The following THSD4 variants were observed in gnomAD, a reference collection of about 807,000 sequenced individuals.
THSD4 encodes thrombospondin type 1 domain containing 4.
A neutral mutation model predicts 119.0 loss-of-function variants in THSD4; 69 were observed. The ratio of observed to expected loss-of-function variants is 0.58; its 90% confidence interval spans 0.48 to 0.71. THSD4 has a LOEUF of 0.71. Among genes scored for constraint, THSD4 ranks in the 30% least tolerant of loss-of-function variants. The pLI is 0.00. For missense variants in THSD4, 1,393 were observed against 1,391.1 expected (o/e 1.00, Z -0.02); for synonymous variants, 524 against 540.4 (o/e 0.97, Z 0.42).
chr15:71,210,387 A>G (rs777210831), intron 3 of THSD4, among the ~76,000 whole-genome samples: 16 of 152,156 alleles, frequency 1.1e-4, no homozygotes, highest in Non-Finnish European at 2.1e-4. Context: ...TGTCACTGTT[A>G]AACACCTGCT....
intron 1 of THSD4, among the ~76,000 whole-genome samples, chr15:71,130,425 A>C (rs2040492816): frequency 6.6e-6 from 1 of 152,046 alleles, no homozygotes; most frequent in African/African-American, 2.4e-5. Context: ...GAGCTCAAGT[A>C]ATTCTCAACC....
chr15:71,592,016 C>T (rs12916436), intron 7 of THSD4, among the ~76,000 whole-genome samples: 26,373 of 152,044 alleles, frequency 0.17, 2,567 homozygotes, highest in Non-Finnish European at 0.22. Flanking sequence ...ATTTTAAAGA[C>T]GAGGAAAAGA....
At chr15:71,482,916 C>T (rs960925341) in intron 7 of THSD4, among the ~76,000 whole-genome samples, 1 of 152,076 alleles carries the variant, frequency 6.6e-6, no homozygotes, top group Non-Finnish European at 1.5e-5. Flanking sequence ...GGAAAGCAAA[C>T]CTTTCTCATA....
At chr15:71,204,597 C>T (rs1252027378) in intron 3 of THSD4, among the ~76,000 whole-genome samples, 1 of 152,124 alleles carries the variant, frequency 6.6e-6, no homozygotes, top group African/African-American at 2.4e-5. Context: ...AACTGAGGTC[C>T]CGAGCCACAG....
chr15:71,461,653 C>T (rs992880498), intron 7 of THSD4, among the ~76,000 whole-genome samples: 5 of 152,130 alleles, frequency 3.3e-5, no homozygotes, highest in Non-Finnish European at 7.4e-5. Context: ...AGCATTATTC[C>T]TTTCCAAACG....
At chr15:71,324,771 ACATGTG>A (rs2045318551) in intron 6 of THSD4, among the ~76,000 whole-genome samples, 1 of 152,182 alleles carries the variant, frequency 6.6e-6, no homozygotes, top group Non-Finnish European at 1.5e-5. Context: ...AATAAAACAT[ACATGTG>A]CAGGTGTCTT....
chr15:71,158,126 C>T (rs568925682), intron 3 of THSD4, among the ~76,000 whole-genome samples: 5 of 150,488 alleles, frequency 3.3e-5, no homozygotes, highest in African/African-American at 1.2e-4. Context: ...TCATTTTCTT[C>T]CACATCCTTA....
chr15:71,341,779 C>T lies in THSD4; in HGVS notation c.1016-69908C>T. Reference sequence around the variant, plus strand: ...CCCTTTTCTTCCTTTTTTCTCCTACCTCCCTCACAACCCTCTTTTCTTCCT... The same window carrying T: ...CCCTTTTCTTCCTTTTTTCTCCTACTTCCCTCACAACCCTCTTTTCTTCCT... On this transcript the variant is annotated intron_variant, in intron 6 of 17. Transcript: ENST00000261862. 1.1e-5 allele frequency: 9 copies of T among 793,482 alleles called. No individual in the cohort carries two copies. In the South Asian group the frequency reaches 1.2e-4, roughly 11 times the overall value. 49.2% of individuals were successfully genotyped at this position (793,482 alleles called of 1,614,324 possible). A position where few individuals can be genotyped will look rare whatever the true frequency, so the allele number is the denominator to read the frequency against.
At chr15:71,182,224 C>T (rs143211889) in intron 3 of THSD4, among the ~76,000 whole-genome samples, 2 of 151,852 alleles carry the variant, frequency 1.3e-5, no homozygotes, top group Non-Finnish European at 2.9e-5. Flanking sequence ...CTAGAGTTTG[C>T]CTGCTTCACA....
chr15:71,498,211 A>C (rs566400873), intron 7 of THSD4, among the ~76,000 whole-genome samples: 39 of 152,348 alleles, frequency 2.6e-4, no homozygotes, highest in African/African-American at 9.1e-4. Flanking sequence ...CCATGGGAAT[A>C]ATCCATATAG....
chr15:71,395,975 A>G (rs527675150), intron 6 of THSD4, among the ~76,000 whole-genome samples: 10 of 149,138 alleles, frequency 6.7e-5, no homozygotes, highest in African/African-American at 2.5e-4. Context: ...TGTTGAGCAC[A>G]TGGCCTGTTG....
chr15:71,572,395 A>G (rs938215423), intron 7 of THSD4, among the ~76,000 whole-genome samples: 9 of 152,138 alleles, frequency 5.9e-5, no homozygotes, highest in African/African-American at 2.2e-4. Context: ...TTTTACTTCA[A>G]ACTCACCTGT....
At chr15:71,773,216 GA>G (rs1415243841) in intron 17 of THSD4, among the ~76,000 whole-genome samples, 8 of 62,360 alleles carry the variant, frequency 1.3e-4, no homozygotes, top group Admixed American at 5.8e-4. Flanking sequence ...AAAAAAAAAA[GA>G]AAAAGAAAAA....
At chr15:71,220,902 C>T (rs531873124) in intron 4 of THSD4, among the ~76,000 whole-genome samples, 3 of 152,220 alleles carry the variant, frequency 2.0e-5, no homozygotes, top group Non-Finnish European at 2.9e-5. Flanking sequence ...GTGGCATTCT[C>T]CTGTGATTTA....
At chr15:71,425,422 C>T (rs1195218807) in intron 7 of THSD4, among the ~76,000 whole-genome samples, 1 of 152,228 alleles carries the variant, frequency 6.6e-6, no homozygotes, top group Non-Finnish European at 1.5e-5. Context: ...CTCACCTCCT[C>T]TTTCCAAATG....
At chr15:71,408,459 C>G (rs1366186074) in intron 6 of THSD4, among the ~76,000 whole-genome samples, 3 of 152,046 alleles carry the variant, frequency 2.0e-5, no homozygotes, top group Admixed American at 6.5e-5. Context: ...TCTTGGACTC[C>G]CGGGCTCAAG....
intron 4 of THSD4, among the ~76,000 whole-genome samples, chr15:71,218,550 GT>G (rs2043952765): frequency 6.6e-6 from 1 of 152,180 alleles, no homozygotes; most frequent in African/African-American, 2.4e-5. Context: ...GTTCCTGCAA[GT>G]TTTTATCATG....
chr15:71,650,422 T>C (rs935023672), intron 7 of THSD4, among the ~76,000 whole-genome samples: 1 of 152,154 alleles, frequency 6.6e-6, no homozygotes, highest in African/African-American at 2.4e-5. Context: ...ACTTCTAAAA[T>C]GCCCCAGACG....
chr15:71,273,200 C>T (rs1029077822), intron 6 of THSD4, among the ~76,000 whole-genome samples: 9 of 152,160 alleles, frequency 5.9e-5, no homozygotes, highest in Admixed American at 2.6e-4. Flanking sequence ...TGAAAGAATA[C>T]GATTCAGCCT....
Sources: allele counts gnomAD v4.1 joint callset (sites outside exome capture counted in the v4.1 genomes callset), GRCh38; gene constraint gnomAD v4.1.1; transcripts MANE v1.5; gene names NCBI Gene and HGNC (gene_info 2026-07-23, HGNC 2026-07-21).